The following S100PBP variants were observed in gnomAD, a reference collection of about 807,000 sequenced individuals.
S100PBP encodes S100P-binding protein.
S100PBP carries 15 observed loss-of-function variants against 39.9 expected under a neutral mutation model. That is an observed-to-expected ratio of 0.38 (90% confidence interval 0.25 to 0.58). S100PBP has a LOEUF of 0.58. S100PBP is among the 20% of genes least tolerant of loss of function. The pLI is 0.70. For synonymous variants in S100PBP, 178 were observed against 180.3 expected (o/e 0.99, Z 0.10); for missense variants, 504 against 487.3 (o/e 1.03, Z -0.32).
chr1:32,841,517 G>A (rs953923502), intron 5 of S100PBP, among the ~76,000 whole-genome samples: 13 of 151,642 alleles, frequency 8.6e-5, no homozygotes, highest in African/African-American at 3.1e-4. Flanking sequence ...ATCACCTGAG[G>A]TCGGGAGTTT....
intron 1 of S100PBP, among the ~76,000 whole-genome samples, chr1:32,823,973 C>T (rs1452399272): frequency 2.0e-5 from 3 of 152,096 alleles, no homozygotes; most frequent in Admixed American, 6.5e-5. Context: ...CCGAGGCAGG[C>T]GGATCACAAG....
intron 2 of S100PBP, among the ~76,000 whole-genome samples, chr1:32,825,847 TC>T (rs1382698031): frequency 2.6e-5 from 4 of 152,370 alleles, no homozygotes; most frequent in Admixed American, 2.6e-4. Flanking sequence ...AATGCTCGTT[TC>T]TCCACATCCT....
rs778201740 is a variant in S100PBP, at chr1:32,855,962, G to C, written c.1151G>C (p.Ser384Thr). 6.2e-7 allele frequency: 1 copy of C among 1,613,740 alleles called. No individual in the cohort carries two copies. The highest frequency in any genetic ancestry group is 8.5e-7 in the Non-Finnish European group (1 of 1,179,770). The change falls in exon 7 of 7, where the codon AGT (serine) becomes ACT (threonine). Residue 384 changes from serine (S) to threonine (T), a missense_variant. Physicochemically the swap from Ser to Thr is moderately conservative, Grantham distance 58. Coordinates refer to ENST00000373475, the MANE Select transcript of S100PBP (RefSeq NM_022753.4). The part of the protein sequence containing the change: ...ARRQKHLQRY[S>T]LTQWVDRNMR... ...CGACAGAAACATCTGCAAAGATACA[G>C]TCTGACTCAGTGGGTTGACAGGAAC...
chr1:32,846,252 G>C (rs1325207322), intron 5 of S100PBP, among the ~76,000 whole-genome samples: 1 of 152,004 alleles, frequency 6.6e-6, no homozygotes, highest in Non-Finnish European at 1.5e-5. Flanking sequence ...GCCTCCCAAA[G>C]TGCTGGGATT....
upstream of S100PBP, chr1:32,817,234 G>A (rs1380577167): frequency 1.2e-6 from 2 of 1,614,136 alleles, 1 homozygote; most frequent in East Asian, 4.5e-5. Context: ...AGGGCTGGGA[G>A]CGTCCCCCAT....
chr1:32,854,719 C>T (rs529968871), intron 6 of S100PBP, among the ~76,000 whole-genome samples: 2 of 152,324 alleles, frequency 1.3e-5, no homozygotes, highest in East Asian at 3.9e-4. Flanking sequence ...TCTTCCCATT[C>T]TCGTAATCCC....
chr1:32,853,214 G>A (rs750795179), intron 6 of S100PBP, 48 bp downstream of exon 6: 22 of 1,396,974 alleles, frequency 1.6e-5, no homozygotes, highest in East Asian at 9.2e-5. Flanking sequence ...ATGGCTGGGC[G>A]CGGTGGCTCA....
chr1:32,834,657 G>T (rs192665518), intron 5 of S100PBP, among the ~76,000 whole-genome samples: 109 of 152,250 alleles, frequency 7.2e-4, no homozygotes, highest in African/African-American at 2.5e-3. Flanking sequence ...GTTTGTTAAG[G>T]TGTTAACTGC....
At chr1:32,823,521 G>A (rs1426802070) in intron 1 of S100PBP, among the ~76,000 whole-genome samples, 1 of 152,184 alleles carries the variant, frequency 6.6e-6, no homozygotes, top group Non-Finnish European at 1.5e-5. Flanking sequence ...TAATTTTACA[G>A]AATTGTGTTG....
At chr1:32,853,496 G>A (rs866516987) in intron 6 of S100PBP, among the ~76,000 whole-genome samples, 38 of 296 alleles carry the variant, frequency 0.13, no homozygotes, top group African/African-American at 0.17. Context: ...AAGGCGGTGG[G>A]GGGGGGGCGC....
Position 32,853,066 on chromosome 1 carries a change from C to G in S100PBP, c.1025-13C>G. ...CTCAGCTGTTCCTAACCACTGATCC[C>G]TCTGTATCACAGGTATCTCGGGGGA... On this transcript the variant is annotated splice_polypyrimidine_tract_variant and intron_variant, in intron 5 of 6. Transcript: ENST00000373475. 6.3e-7 allele frequency: 1 copy of G among 1,597,098 alleles called. No homozygotes were observed. The highest frequency in any genetic ancestry group is 8.6e-7 in the Non-Finnish European group (1 of 1,165,076).
chr1:32,834,061 G>T, intron 5 of S100PBP: 1 of 330,376 alleles, frequency 3.0e-6, no homozygotes, highest in South Asian at 2.7e-5. Flanking sequence ...GGAATTGCTG[G>T]GTAAAGTATA....
intron 1 of S100PBP, among the ~76,000 whole-genome samples, chr1:32,821,467 G>T (rs1388365953): frequency 6.6e-6 from 1 of 150,896 alleles, no homozygotes; most frequent in African/African-American, 2.4e-5. Context: ...GGTTATAGGT[G>T]CGCGCCACCA....
intron 1 of S100PBP, chr1:32,820,704 T>C (rs995233051): frequency 1.3e-5 from 2 of 152,178 alleles, no homozygotes; most frequent in African/African-American, 2.4e-5. Flanking sequence ...ATTTCAAGCA[T>C]ATAAAAAAGT....
At chr1:32,830,546 A>G (rs1273527229) in intron 5 of S100PBP, among the ~76,000 whole-genome samples, 3 of 152,206 alleles carry the variant, frequency 2.0e-5, no homozygotes, top group Non-Finnish European at 2.9e-5. Flanking sequence ...AGATCCTTCA[A>G]GTTGTGTTCT....
At chr1:32,830,279 C>T (rs1381528301) in intron 5 of S100PBP, among the ~76,000 whole-genome samples, 1 of 152,124 alleles carries the variant, frequency 6.6e-6, no homozygotes, top group Non-Finnish European at 1.5e-5. Context: ...GATCTAAGCA[C>T]GTTTACAACA....
In S100PBP at chr1:32,836,655, T is replaced by C. The variant is rs1365348709; in HGVS notation, c.1024+6588T>C. On this transcript the variant is annotated intron_variant, in intron 5 of 6. Coordinates refer to ENST00000373475, the MANE Select transcript of S100PBP (RefSeq NM_022753.4). ...TTGGGAGAGCTTTTTCCTAGAGCCT[T>C]CTGTTCTACTGCTCCAATTTGCACT... is the stretch of plus-strand genomic sequence containing the variant. 4 of 800,600 alleles carry C rather than the reference T, an allele frequency of 5.0e-6. No individual in the cohort carries two copies. The African/African-American group carries it at 7.5e-5, about 15-fold the overall frequency. 49.6% of individuals were successfully genotyped at this position (800,600 alleles called of 1,614,324 possible).
At chr1:32,853,501 G>T (rs1263575697) in intron 6 of S100PBP, among the ~76,000 whole-genome samples, 10 of 151,328 alleles carry the variant, frequency 6.6e-5, no homozygotes, top group East Asian at 3.9e-4. Context: ...GGTGGGGGGG[G>T]GGCGCGTGAA....
At chr1:32,855,616 T>C (rs944788741) in intron 6 of S100PBP, among the ~76,000 whole-genome samples, 2 of 151,894 alleles carry the variant, frequency 1.3e-5, no homozygotes, top group African/African-American at 2.4e-5. Flanking sequence ...GTTTTTTTTT[T>C]CTCCCCTACT....
Sources: gnomAD v4.1 joint callset for allele counts (sites outside exome capture counted in the v4.1 genomes callset) on GRCh38, gnomAD v4.1.1 for gene constraint, MANE v1.5 for transcripts, NCBI Gene and HGNC (gene_info 2026-07-23, HGNC 2026-07-21) for gene names.